ZNF469: variants seen among roughly 807,000 people sequenced by gnomAD.
ZNF469 encodes the protein zinc finger protein 469.
In ZNF469, 1 loss-of-function variant was observed where a neutral mutation model predicts 1.0. That is an observed-to-expected ratio of 1.00 (90% CI 0.35 to 4.73). The LOEUF is 4.73. ZNF469 is among the 30% of genes most tolerant of loss of function. The pLI is 0.16. For missense variants in ZNF469, 6,100 were observed against 5,356.3 expected (o/e 1.14, Z -4.33); for synonymous variants, 2,703 against 2,363.4 (o/e 1.14, Z -4.17).
chr16:88,435,025 CT>C lies in ZNF469; in HGVS notation c.7556del (p.Leu2519GlnfsTer65). On this transcript the variant is annotated frameshift_variant, in exon 3 of 3. Transcript: ENST00000565624. LOFTEE classifies it low-confidence loss of function (END_TRUNC). Reference protein sequence around the residue: ...ALPAQQPLEPLAQKCQPPRKK... With the variant: ...ALPAQQPLEPXAQKCQPPRKK... ...GCCTGCTCAGCAGCCTCTAGAGCCC[CT>C]AGCCCAAAAGTGCCAGCCGCCCAGG... The C allele has an allele frequency of 6.4e-7, 1 of 1,550,400 alleles. No individual in the cohort carries two copies. The highest frequency in any genetic ancestry group is 8.7e-7 in the Non-Finnish European group (1 of 1,146,990).
the ZNF469 span, among the ~76,000 whole-genome samples, chr16:88,124,199 G>T: frequency 6.6e-6 from 1 of 152,116 alleles, no homozygotes; most frequent in Non-Finnish European, 1.5e-5. Flanking sequence ...TGTTTGACCA[G>T]AATTTTCTCC....
intron 1 of ZNF469, among the ~76,000 whole-genome samples, chr16:88,404,549 G>A (rs543878301): frequency 1.6e-3 from 240 of 152,340 alleles, no homozygotes; most frequent in African/African-American, 5.6e-3. Flanking sequence ...TGGGGATGTC[G>A]TCTGTGCCTG....
Position 88,437,293 on chromosome 16 carries a change from G to A in ZNF469, c.9823G>A (p.Ala3275Thr). The change falls in exon 3 of 3, where the codon GCA becomes ACA. Residue 3275 changes from alanine (A) to threonine (T), a missense_variant. Transcript: ENST00000565624. The part of the protein sequence containing the change: ...DSPGERAKPR[A>T]RSTPSNPDGA... ...CCCGGGCGAGAGGGCGAAACCCCGG[G>A]CACGCAGCACCCCCAGCAACCCAGA... The A allele has an allele frequency of 8.4e-6, 13 of 1,547,664 alleles. No individual in the cohort carries two copies. The highest frequency in any genetic ancestry group is 1.1e-5 in the Non-Finnish European group (13 of 1,145,430).
the ZNF469 span, among the ~76,000 whole-genome samples, chr16:88,293,566 A>C: frequency 6.6e-6 from 1 of 152,170 alleles, no homozygotes; most frequent in African/African-American, 2.4e-5. Context: ...ATGATCCATC[A>C]CCTGCCAAGA....
At chr16:88,351,597 C>G in the ZNF469 span, among the ~76,000 whole-genome samples, 2 of 152,198 alleles carry the variant, frequency 1.3e-5, no homozygotes, top group African/African-American at 4.8e-5. Flanking sequence ...GACAAAGGGG[C>G]CGCCGACGCT....
At position 88,437,575 on chromosome 16, in the gene ZNF469, C is replaced by A; in HGVS notation, c.10105C>A (p.Arg3369=). The A allele has an allele frequency of 6.5e-7, 1 of 1,536,230 alleles. No individual in the cohort carries two copies. The highest frequency in any genetic ancestry group is 2.5e-5 in the East Asian group (1 of 40,402). Residue 3369 remains arginine (R), a synonymous_variant, in exon 3 of 3, where the codon CGG becomes AGG. Transcript: ENST00000565624. ...CCCGCAGCGCGTCTACCTGTGCCCC[C>A]GGTGCCCCCGGGTCTACCCCGAGCA... ...HSPQRVYLCP[R]CPRVYPEHGE...
chr16:88,426,191 G>A (rs543131579), intron 2 of ZNF469, among the ~76,000 whole-genome samples: 39 of 152,368 alleles, frequency 2.6e-4, no homozygotes, highest in African/African-American at 8.9e-4. Flanking sequence ...CTCCAGGCCT[G>A]AGGCCTGTCC....
the ZNF469 span, among the ~76,000 whole-genome samples, chr16:88,207,682 C>T: frequency 6.6e-6 from 1 of 150,570 alleles, no homozygotes; most frequent in Non-Finnish European, 1.5e-5. Flanking sequence ...AGAGTCTCCC[C>T]GGCCCTTCCA....
At chr16:88,396,488 G>C (rs1904665087) in intron 1 of ZNF469, among the ~76,000 whole-genome samples, 1 of 151,018 alleles carries the variant, frequency 6.6e-6, no homozygotes, top group South Asian at 2.1e-4. Context: ...GGGAGGCCGG[G>C]AGGAGACCCT....
the ZNF469 span, among the ~76,000 whole-genome samples, chr16:88,243,296 A>G: frequency 6.6e-6 from 1 of 152,188 alleles, no homozygotes; most frequent in Admixed American, 6.5e-5. Flanking sequence ...AAGCCTGCTC[A>G]GTCATGGATG....
At chr16:88,205,184 G>A in the ZNF469 span, among the ~76,000 whole-genome samples, 1 of 152,168 alleles carries the variant, frequency 6.6e-6, no homozygotes, top group Non-Finnish European at 1.5e-5. This position sits in a 1 kb window ranked among gnomAD's most constrained non-coding sequence, Gnocchi z 4.2. Context: ...TTTTAGGAAA[G>A]TAAATGGAGA....
chr16:88,171,370 A>T, the ZNF469 span, among the ~76,000 whole-genome samples: 40,304 of 152,142 alleles, frequency 0.26, 5,761 homozygotes, highest in East Asian at 0.55. Flanking sequence ...TCTGTGGAGC[A>T]TGTTTCAGAG....
chr16:88,305,356 A>C, the ZNF469 span, among the ~76,000 whole-genome samples: 1 of 149,554 alleles, frequency 6.7e-6, no homozygotes, highest in South Asian at 2.1e-4. Flanking sequence ...ACATGCACAC[A>C]CATGCTCACA....
the ZNF469 span, among the ~76,000 whole-genome samples, chr16:88,244,393 GTGGA>G: frequency 0.43 from 56,274 of 130,786 alleles, 12,889 homozygotes; most frequent in South Asian, 0.56. Flanking sequence ...GAATGCATGG[GTGGA>G]TGGATGGATG....
At chr16:88,216,716 A>G in the ZNF469 span, among the ~76,000 whole-genome samples, 3 of 152,194 alleles carry the variant, frequency 2.0e-5, no homozygotes, top group Non-Finnish European at 4.4e-5. Flanking sequence ...ATCCTTTCAA[A>G]TATTGCTGCC....
At chr16:88,383,347 T>C (rs2092530256) in intron 1 of ZNF469, among the ~76,000 whole-genome samples, 93 bp downstream of exon 1, 1 of 147,342 alleles carries the variant, frequency 6.8e-6, no homozygotes, top group Non-Finnish European at 1.5e-5. Flanking sequence ...CGCGGGGGTC[T>C]CCGGCCCGGC....
chr16:88,369,356 A>T, the ZNF469 span, among the ~76,000 whole-genome samples: 1 of 152,232 alleles, frequency 6.6e-6, no homozygotes, highest in Non-Finnish European at 1.5e-5. Context: ...CTAAAGCCCC[A>T]TTGCTTCTTC....
At chr16:88,227,838 C>T in the ZNF469 span, among the ~76,000 whole-genome samples, 1 of 152,198 alleles carries the variant, frequency 6.6e-6, no homozygotes, top group African/African-American at 2.4e-5. Flanking sequence ...CCCAGGGGTG[C>T]CAGCCGTCCT....
chr16:88,323,102 G>C, the ZNF469 span, among the ~76,000 whole-genome samples: 4 of 152,208 alleles, frequency 2.6e-5, no homozygotes, highest in Non-Finnish European at 2.9e-5. Flanking sequence ...AGTGGGGGCA[G>C]TGATCCCACA....
Sources: gnomAD v4.1 joint callset for allele counts (sites outside exome capture counted in the v4.1 genomes callset) on GRCh38, gnomAD v4.1.1 for gene constraint, Gnocchi (gnomAD v3.1) non-coding constraint, MANE v1.5 for transcripts, NCBI Gene and HGNC (gene_info 2026-07-23, HGNC 2026-07-21) for gene names.